LOC128125822: variants seen among roughly 807,000 people sequenced by gnomAD.
the LOC128125822 span, chr6:63,572,769 C>T: frequency 2.5e-6 from 1 of 398,154 alleles, no homozygotes; most frequent in Non-Finnish European, 4.4e-6. Flanking sequence ...CCACGACCGG[C>T]CCCCCATCCC....
the LOC128125822 span, chr6:63,580,358 A>G: frequency 3.7e-6 from 2 of 539,938 alleles, no homozygotes; most frequent in East Asian, 5.7e-5. Flanking sequence ...CAGTCAACCT[A>G]TTTGGATACT....
chr6:63,574,457 GCCA>G, the LOC128125822 span, among the ~76,000 whole-genome samples: 3 of 152,090 alleles, frequency 2.0e-5, no homozygotes. Flanking sequence ...TCTATCGGTG[GCCA>G]CCACTGCTTT....
chr6:63,576,312 A>T, the LOC128125822 span: 1 of 390,304 alleles, frequency 2.6e-6, no homozygotes, highest in Middle Eastern at 6.4e-4. Context: ...GTAAAAGTCG[A>T]TGAAGCGGCT....
chr6:63,580,149 A>G, the LOC128125822 span: 5 of 1,612,568 alleles, frequency 3.1e-6, no homozygotes, highest in Non-Finnish European at 4.2e-6. Context: ...TCCAACGGTC[A>G]TAGAAACAAC....
At chr6:63,574,384 A>G in the LOC128125822 span, among the ~76,000 whole-genome samples, 2 of 152,108 alleles carry the variant, frequency 1.3e-5, no homozygotes, top group Non-Finnish European at 2.9e-5. Context: ...AATCCCCATT[A>G]TGGATAGTTT....
chr6:63,576,663 ACTT>A, the LOC128125822 span: 1 of 574,174 alleles, frequency 1.7e-6, no homozygotes, highest in Non-Finnish European at 3.1e-6. Context: ...ACCTCAGTGC[ACTT>A]CTTTTCTGTT....
At chr6:63,579,773 C>G in the LOC128125822 span, among the ~76,000 whole-genome samples, 2 of 152,146 alleles carry the variant, frequency 1.3e-5, no homozygotes, top group Admixed American at 1.3e-4. Context: ...CAACTTCTGA[C>G]TTCACTATAA....
the LOC128125822 span, chr6:63,573,455 C>G: frequency 6.6e-6 from 1 of 152,170 alleles, no homozygotes; most frequent in Admixed American, 6.5e-5. Flanking sequence ...CCTCGGCGCC[C>G]GCGCCTGACT....
At chr6:63,576,856 T>C in the LOC128125822 span, 1 of 1,571,682 alleles carries the variant, frequency 6.4e-7, no homozygotes, top group Non-Finnish European at 8.7e-7. Context: ...CATAACCCTA[T>C]TGAGTGTTTT....
At chr6:63,575,823 T>G in the LOC128125822 span, among the ~76,000 whole-genome samples, 1 of 152,230 alleles carries the variant, frequency 6.6e-6, no homozygotes, top group South Asian at 2.1e-4. Flanking sequence ...GATAACAGAT[T>G]GTTAAGGATA....
At chr6:63,577,100 G>A in the LOC128125822 span, 6 of 748,652 alleles carry the variant, frequency 8.0e-6, no homozygotes, top group Non-Finnish European at 1.3e-5. Context: ...TACAATTCCA[G>A]TTCCCAGAAA....
the LOC128125822 span, chr6:63,578,557 T>C: frequency 2.6e-4 from 411 of 1,600,308 alleles, 1 homozygote; most frequent in African/African-American, 5.1e-3. Context: ...CTTATGGGTT[T>C]ATGGTGCTGT....
chr6:63,578,229 A>C, the LOC128125822 span, among the ~76,000 whole-genome samples: 1 of 152,214 alleles, frequency 6.6e-6, no homozygotes, highest in Admixed American at 6.5e-5. Flanking sequence ...TATGTATGGT[A>C]TTTAATATTC....
At chr6:63,574,558 T>G in the LOC128125822 span, among the ~76,000 whole-genome samples, 2 of 152,242 alleles carry the variant, frequency 1.3e-5, no homozygotes, top group Non-Finnish European at 2.9e-5. Context: ...GTTCTTTCTC[T>G]GCTTCCTGAT....
chr6:63,580,826 T>C, the LOC128125822 span: 35 of 152,648 alleles, frequency 2.3e-4, no homozygotes, highest in African/African-American at 8.4e-4. Context: ...TTTGAAAATC[T>C]ACGTTGTACA....
the LOC128125822 span, among the ~76,000 whole-genome samples, chr6:63,577,670 C>A: frequency 6.6e-6 from 1 of 152,114 alleles, no homozygotes; most frequent in Non-Finnish European, 1.5e-5. Flanking sequence ...AATTCTCCTG[C>A]CTCAGCCTCC....
the LOC128125822 span, chr6:63,578,934 C>A: frequency 6.3e-7 from 1 of 1,596,392 alleles, no homozygotes; most frequent in South Asian, 1.1e-5. Flanking sequence ...ACCATCCAAC[C>A]AGATTGTTGA....
At chr6:63,582,104 G>A in the LOC128125822 span, 1 of 151,914 alleles carries the variant, frequency 6.6e-6, no homozygotes, top group Non-Finnish European at 1.5e-5. Context: ...GGAAGAACAG[G>A]GGCCTCTGGA....
At chr6:63,577,232 A>G in the LOC128125822 span, among the ~76,000 whole-genome samples, 1 of 152,302 alleles carries the variant, frequency 6.6e-6, no homozygotes, top group East Asian at 1.9e-4. Flanking sequence ...GTAAAACAGT[A>G]TAGCTCTTAC....
Sources: allele counts gnomAD v4.1 joint callset (sites outside exome capture counted in the v4.1 genomes callset), GRCh38; gene constraint gnomAD v4.1.1; transcripts MANE v1.5.